MRPL19: variants seen among roughly 807,000 people sequenced by gnomAD.
The protein encoded by MRPL19 is mitochondrial ribosomal protein L19.
In MRPL19, 31 loss-of-function variants were observed where a neutral mutation model predicts 34.0. The ratio of observed to expected loss-of-function variants is 0.91; its 90% CI spans 0.68 to 1.23. The LOEUF (loss-of-function observed/expected upper bound fraction) is 1.23. Among genes scored for constraint, MRPL19 ranks in the 50% most tolerant of loss-of-function variants. The pLI is 0.00. For missense variants in MRPL19, 384 were observed against 367.6 expected (o/e 1.04, Z -0.37); for synonymous variants, 152 against 127.7 (o/e 1.19, Z -1.28).
In MRPL19 at chr2:75,652,177, G is replaced by T; in HGVS notation, c.257G>T (p.Arg86Ile). Residue 86 changes from arginine to isoleucine, a missense_variant, in exon 3 of 6, where the codon AGA becomes ATA. By Grantham distance (97) the Arg-to-Ile change is moderately conservative (BLOSUM62 -3). Transcript: ENST00000393909. The stretch of plus-strand genomic sequence containing the variant: ...CCTGAATTCATTCCTCGAAGGGGAA[G>T]AACAGATCCTCTGAAATTTCAAATA... ...LSPEFIPRRG[R>I]TDPLKFQIER... The T allele has an allele frequency of 1.2e-6, 2 of 1,603,526 alleles. No homozygotes were observed. The highest frequency in any genetic ancestry group is 1.1e-5 in the South Asian group (1 of 89,696).
chr2:75,661,124 C>A lies in MRPL19; in HGVS notation c.*5839C>A, dbSNP rs552133792. Reference sequence around the variant, plus strand: ...TTCCTCTAGAAATGGGGATCAGGGTCCAAGACAGAATGCAGTTGCTGATTT... The same window carrying A: ...TTCCTCTAGAAATGGGGATCAGGGTACAAGACAGAATGCAGTTGCTGATTT... On this transcript the variant is annotated 3_prime_UTR_variant, in exon 6 of 6. Coordinates refer to ENST00000393909, the MANE Select transcript of MRPL19 (RefSeq NM_014763.4). 6.6e-6 allele frequency: 1 copy of A among 152,198 alleles called. No homozygotes were observed. The highest frequency in any genetic ancestry group is 2.1e-4 in the South Asian group (1 of 4,820). The allele number at this position is 152,198 out of a possible 1,614,324, so 9.4% of individuals were successfully genotyped here.
Position 75,652,542 on chromosome 2 carries a change from T to C in MRPL19, c.360T>C (p.Thr120=). The change falls in exon 4 of 6, where the codon ACT becomes ACC. Residue 120 remains threonine (T), a synonymous_variant. Coordinates refer to ENST00000393909, the MANE Select transcript of MRPL19 (RefSeq NM_014763.4). ...TTGTAGGAAGTATTCTTCGTGTTAC[T>C]ACAGCTGACCCATATGCCAGTGGAA... ...EFYVGSILRV[T]TADPYASGKI... The C allele has an allele frequency of 6.2e-7, 1 of 1,613,262 alleles. No individual in the cohort carries two copies. The highest frequency in any genetic ancestry group is 2.2e-5 in the East Asian group (1 of 44,854).
chr2:75,655,881 G>GGA lies in MRPL19; in HGVS notation c.*596_*597insGA, dbSNP rs1553430169. 1 of 149,380 alleles carries GGA rather than the reference G, an allele frequency of 6.7e-6. No homozygotes were observed. Among genetic ancestry groups the GGA allele is most frequent in the Non-Finnish European group, 1.5e-5 (1 of 67,194 alleles). 9.3% of individuals were successfully genotyped at this position (149,380 alleles called of 1,614,324 possible). A position where few individuals can be genotyped will look rare whatever the true frequency, so the allele number is the denominator to read the frequency against. On this transcript the variant is annotated 3_prime_UTR_variant, in exon 6 of 6. Transcript: ENST00000393909. ...CAATATATTTAATTTTGAAAAACCT[G>GGA]AAAAAAAAAACCTGTTAGCAAGTAT...
At chr2:75,652,354 T>C in intron 3 of MRPL19, 94 bp downstream of exon 3, 2 of 1,312,822 alleles carry the variant, frequency 1.5e-6, no homozygotes, top group Non-Finnish European at 2.1e-6. Context: ...AGAAGATTGT[T>C]TTTTACATAT....
At chr2:75,649,403 AT>A (rs952770523) in intron 2 of MRPL19, among the ~76,000 whole-genome samples, 39 of 151,426 alleles carry the variant, frequency 2.6e-4, no homozygotes, top group Admixed American at 6.6e-5. Flanking sequence ...AACATATGAG[AT>A]TTTTTTTGTG....
In MRPL19 at chr2:75,655,627, A is replaced by C. The variant is rs888733947; in HGVS notation, c.*342A>C. 3 of 177,242 alleles carry C rather than the reference A, an allele frequency of 1.7e-5. No individual in the cohort carries two copies. Among genetic ancestry groups the C allele is most frequent in the Non-Finnish European group, 2.4e-5 (2 of 85,024 alleles). The allele number at this position is 177,242 out of a possible 1,614,324, so 11.0% of individuals were successfully genotyped here. On this transcript the variant is annotated 3_prime_UTR_variant, in exon 6 of 6. Coordinates refer to ENST00000393909, the MANE Select transcript of MRPL19 (RefSeq NM_014763.4). ...TAATTGTGAAACAATTCATAAGCAC[A>C]ATATGATTTACAGAATAATAAACAT...
intron 4 of MRPL19, among the ~76,000 whole-genome samples, chr2:75,654,258 CTAGTTCTCTCCATCCCTT>C (rs1233841857): frequency 6.6e-6 from 1 of 152,152 alleles, no homozygotes; most frequent in Non-Finnish European, 1.5e-5. Flanking sequence ...AAAGGCAAAA[CTAGTTCTCTCCATCCCTT>C]TAATCCACTA....
In MRPL19 at chr2:75,657,232, G is replaced by A. The variant is rs1230507105; in HGVS notation, c.*1947G>A. On this transcript the variant is annotated 3_prime_UTR_variant, in exon 6 of 6. Coordinates refer to ENST00000393909, the MANE Select transcript of MRPL19 (RefSeq NM_014763.4). ...GGTTGAAAGAGGGACTAAAAAGCTT[G>A]GAAAGCCTTTGGGTTGTGGGAAGGG... The A allele has an allele frequency of 1.3e-5, 2 of 151,996 alleles. No individual in the cohort carries two copies. Among genetic ancestry groups the A allele is most frequent in the East Asian group, 3.9e-4 (2 of 5,182 alleles). 9.4% of individuals were successfully genotyped at this position (151,996 alleles called of 1,614,324 possible).
chr2:75,658,582 G>A lies in MRPL19; in HGVS notation c.*3297G>A, dbSNP rs572903280. Among the ~76,000 whole-genome samples the A allele has an allele frequency of 2.0e-5, 3 of 152,164 alleles. No homozygotes were observed. The highest frequency in any genetic ancestry group is 2.1e-4 in the South Asian group (1 of 4,812). ...CTTGTGATTTCTTCTTCGATCCCCT[G>A]GTTGAGTGTGTTAATTTCTACATGT... On this transcript the variant is annotated 3_prime_UTR_variant, in exon 6 of 6. Coordinates refer to ENST00000393909, the MANE Select transcript of MRPL19 (RefSeq NM_014763.4).
intron 4 of MRPL19, among the ~76,000 whole-genome samples, chr2:75,654,338 C>T (rs1678391613): frequency 6.6e-6 from 1 of 152,284 alleles, no homozygotes; most frequent in South Asian, 2.1e-4. Context: ...TATTTTACTT[C>T]TTTTGTACCA....
chr2:75,646,893 C>T lies in MRPL19; in HGVS notation c.86C>T (p.Pro29Leu). The change falls in exon 1 of 6, where the codon CCG becomes CTG. Residue 29 changes from proline (P) to leucine (L), a missense_variant. By Grantham distance (98) the Pro-to-Leu change is moderately conservative (BLOSUM62 -3). Transcript: ENST00000393909. ...FQAARTLLPP[P>L]ASIACRVHAG... ...GCCGCCAGGACTCTGCTCCCCCCGC[C>T]GGCCTCTATCGCCTGCAGTAAGTGG... The T allele has an allele frequency of 6.3e-7, 1 of 1,591,864 alleles. No individual in the cohort carries two copies.
At chr2:75,653,475 G>T (rs1414001653) in intron 4 of MRPL19, among the ~76,000 whole-genome samples, 1 of 152,146 alleles carries the variant, frequency 6.6e-6, no homozygotes, top group Non-Finnish European at 1.5e-5. Flanking sequence ...ACTCTACATG[G>T]TTCTAGCCAA....
In MRPL19 at chr2:75,660,938, C is replaced by T. The variant is rs1431942954; in HGVS notation, c.*5653C>T. The T allele has an allele frequency of 1.3e-5, 2 of 152,194 alleles. No homozygotes were observed. The highest frequency in any genetic ancestry group is 4.8e-5 in the African/African-American group (2 of 41,456). The allele number at this position is 152,194 out of a possible 1,614,324, so 9.4% of individuals were successfully genotyped here. ...AGAACATAGATGGTTTTTTGGATAT[C>T]TTGACCATAGTCTTTCGACCCAGGT... On this transcript the variant is annotated 3_prime_UTR_variant, in exon 6 of 6. Coordinates refer to ENST00000393909, the MANE Select transcript of MRPL19 (RefSeq NM_014763.4).
intron 1 of MRPL19, 27 bp downstream of exon 1, chr2:75,646,937 G>T (rs371318820): frequency 4.5e-5 from 69 of 1,539,816 alleles, no homozygotes; most frequent in East Asian, 2.1e-4. Context: ...TTGCGAGCTG[G>T]GGCGCGTTAG....
rs918237753 is a variant in MRPL19, at chr2:75,658,315, C to A, written c.*3030C>A. On this transcript the variant is annotated 3_prime_UTR_variant, in exon 6 of 6. Transcript: ENST00000393909. ...GCCTCAAGCAGTCCTTAAGATTCATCCATGTTGTGGCATGTGTCAGAATTT... is the reference window on the plus strand; with the variant it reads ...GCCTCAAGCAGTCCTTAAGATTCATACATGTTGTGGCATGTGTCAGAATTT... 2.0e-5 allele frequency among the ~76,000 whole-genome samples: 3 copies of A among 152,110 alleles called. No individual in the cohort carries two copies. The highest frequency in any genetic ancestry group is 4.4e-5 in the Non-Finnish European group (3 of 68,036).
Position 75,655,425 on chromosome 2 carries a change from A to G in MRPL19, c.*140A>G. 1.5e-6 allele frequency: 1 copy of G among 669,494 alleles called. No homozygotes were observed. Among genetic ancestry groups the G allele is most frequent in the Non-Finnish European group, 2.4e-6 (1 of 409,342 alleles). The allele number at this position is 669,494 out of a possible 1,614,324, so 41.5% of individuals were successfully genotyped here. On this transcript the variant is annotated 3_prime_UTR_variant, in exon 6 of 6. Transcript: ENST00000393909. ...ATTGTTTTATTAATACTTTTTTTCT[A>G]AAATAAAACTTGTACACCAGTTTAT...
Position 75,659,907 on chromosome 2 carries a change from T to G in MRPL19, c.*4622T>G, listed in dbSNP as rs1003426404. On this transcript the variant is annotated 3_prime_UTR_variant, in exon 6 of 6. Transcript: ENST00000393909. The stretch of plus-strand genomic sequence containing the variant: ...AGTTTCTTGGAGTCATAGATTTATG[T>G]CTTTTATCAAATTTTGGACATATTT... Among the ~76,000 whole-genome samples the G allele has an allele frequency of 4.6e-5, 7 of 152,264 alleles. No individual in the cohort carries two copies. The highest frequency in any genetic ancestry group is 1.7e-4 in the African/African-American group (7 of 41,572).
intron 2 of MRPL19, among the ~76,000 whole-genome samples, chr2:75,647,897 A>C (rs1678256581): frequency 6.6e-6 from 1 of 151,818 alleles, no homozygotes; most frequent in African/African-American, 2.4e-5. Flanking sequence ...TTATTTTTTA[A>C]ATTTTTTTTA....
rs1368203663 is a variant in MRPL19 at position 75,654,785 on chromosome 2, G to C, written c.525G>C (p.Gln175His). Residue 175 changes from glutamine to histidine, a missense_variant, in exon 5 of 6, where the codon CAG (glutamine) becomes CAC (histidine). By Grantham distance (24) the Gln-to-His change is conservative (BLOSUM62 0). Transcript: ENST00000393909. ...ATAATCCTCGGGTCCAGGAGATTCA[G>C]GTGGTCAAATTAGAGAAACGGCTGG... ...ELYNPRVQEI[Q>H]VVKLEKRLDD... 1.9e-5 allele frequency: 30 copies of C among 1,613,814 alleles called. No homozygotes were observed. Among genetic ancestry groups the C allele is most frequent in the Non-Finnish European group, 2.5e-5 (30 of 1,179,830 alleles).
Sources: allele counts gnomAD v4.1 joint callset (sites outside exome capture counted in the v4.1 genomes callset), GRCh38; gene constraint gnomAD v4.1.1; transcripts MANE v1.5; gene names NCBI Gene and HGNC (gene_info 2026-07-23, HGNC 2026-07-21).